Variants in AGBL1 observed in about 807,000 individuals in gnomAD.
AGBL1 encodes AGBL carboxypeptidase 1, also known as cytosolic carboxypeptidase 4.
A neutral mutation model predicts 118.9 loss-of-function variants in AGBL1; 130 were observed. The ratio of observed to expected loss-of-function variants is 1.09; its 90% CI spans 0.95 to 1.26. The LOEUF (loss-of-function observed/expected upper bound fraction) is 1.26, where lower values mean the gene tolerates loss of function less well. Ranked by LOEUF, AGBL1 falls within the 50% of genes most tolerant of loss-of-function variation. The pLI is 0.00. For synonymous variants in AGBL1, 555 were observed against 478.9 expected (o/e 1.16, Z -2.08); for missense variants, 1,584 against 1,298.1 (o/e 1.22, Z -3.38).
At chr15:86,348,884 A>G (rs1205639119) in intron 17 of AGBL1, among the ~76,000 whole-genome samples, 3 of 152,178 alleles carry the variant, frequency 2.0e-5, no homozygotes, top group Non-Finnish European at 2.9e-5. Context: ...GTCCATTCAG[A>G]AAACTATGAA....
At chr15:86,507,073 A>G (rs1436869240) in intron 18 of AGBL1, among the ~76,000 whole-genome samples, 1 of 152,132 alleles carries the variant, frequency 6.6e-6, no homozygotes, top group Non-Finnish European at 1.5e-5. Context: ...GATTTCTCAT[A>G]TTGCAAAAAT....
chr15:86,545,192 C>G (rs1357026465), intron 19 of AGBL1, among the ~76,000 whole-genome samples: 3 of 152,254 alleles, frequency 2.0e-5, no homozygotes, highest in African/African-American at 7.2e-5. Flanking sequence ...AGCCTGGATC[C>G]TAGAATGAAG....
At chr15:86,653,838 C>T (rs2085418255) in intron 21 of AGBL1, among the ~76,000 whole-genome samples, 1 of 152,066 alleles carries the variant, frequency 6.6e-6, no homozygotes, top group African/African-American at 2.4e-5. Flanking sequence ...TCTCATACTC[C>T]CAGAGACCAA....
intron 7 of AGBL1, among the ~76,000 whole-genome samples, chr15:86,249,204 G>A (rs989658826): frequency 6.6e-5 from 10 of 152,096 alleles, no homozygotes; most frequent in Non-Finnish European, 1.0e-4. Context: ...AGGCAGCCAT[G>A]TTGCACACAC....
intron 18 of AGBL1, among the ~76,000 whole-genome samples, chr15:86,499,842 C>T (rs1431478046): frequency 6.6e-6 from 1 of 151,878 alleles, no homozygotes; most frequent in Non-Finnish European, 1.5e-5. Flanking sequence ...TTCAAGTGAG[C>T]AGCAGAAACA....
chr15:86,878,526 T>C (rs2141524608), intron 22 of AGBL1, among the ~76,000 whole-genome samples: 1 of 152,310 alleles, frequency 6.6e-6, no homozygotes, highest in Non-Finnish European at 1.5e-5. Flanking sequence ...TCGGTACTTC[T>C]ATTTTCCTCC....
chr15:86,929,470 C>T lies in AGBL1; in HGVS notation c.3222-58517C>T, dbSNP rs1394278093. ...TCCCCTCCAATATCAACTCAGAGGC[C>T]TGAATCTACCTGTGAATTTTCACCA... On this transcript the variant is annotated intron_variant, in intron 23 of 24. Transcript: ENST00000441037. 3.3e-5 allele frequency among the ~76,000 whole-genome samples: 5 copies of T among 152,308 alleles called. No individual in the cohort carries two copies. In the South Asian group the frequency reaches 1.0e-3, roughly 32 times the overall value.
intron 17 of AGBL1, among the ~76,000 whole-genome samples, chr15:86,298,258 T>A (rs1385534710): frequency 1.0e-5 from 1 of 96,404 alleles, no homozygotes; most frequent in East Asian, 3.3e-4. Context: ...TATATATATA[T>A]ATATATATAT....
intron 22 of AGBL1, among the ~76,000 whole-genome samples, chr15:86,866,036 T>C (rs907483043): frequency 1.3e-5 from 2 of 152,132 alleles, no homozygotes; most frequent in Admixed American, 6.5e-5. Flanking sequence ...ATCTTTCCCT[T>C]CCCCCCAAGT....
At chr15:86,432,391 GA>G (rs1271503815) in intron 18 of AGBL1, among the ~76,000 whole-genome samples, 1 of 152,142 alleles carries the variant, frequency 6.6e-6, no homozygotes, top group Non-Finnish European at 1.5e-5. Context: ...TAGTTTTGAG[GA>G]GTCCTGGTCA....
chr15:86,726,562 G>GTAT (rs997457712), intron 22 of AGBL1, among the ~76,000 whole-genome samples: 1 of 152,036 alleles, frequency 6.6e-6, no homozygotes, highest in Non-Finnish European at 1.5e-5. Flanking sequence ...TAGGTACTAT[G>GTAT]TATTATTATT....
chr15:86,732,626 C>A (rs1319031003), intron 22 of AGBL1, among the ~76,000 whole-genome samples: 1 of 152,096 alleles, frequency 6.6e-6, no homozygotes, highest in Non-Finnish European at 1.5e-5. Flanking sequence ...AAGGAGTTCA[C>A]TTTTCCTCAT....
intron 5 of AGBL1, among the ~76,000 whole-genome samples, chr15:86,197,915 A>G (rs769383282): frequency 9.9e-5 from 15 of 151,478 alleles, no homozygotes; most frequent in Non-Finnish European, 1.8e-4. Context: ...AAAAGGAAAG[A>G]CTCCAAAGAT....
At chr15:86,109,458 A>T (rs537381831) in intron 1 of AGBL1, among the ~76,000 whole-genome samples, 1 of 152,156 alleles carries the variant, frequency 6.6e-6, no homozygotes, top group Non-Finnish European at 1.5e-5. Context: ...TTTCTGGCTG[A>T]ATTTTCTTTG....
intron 18 of AGBL1, among the ~76,000 whole-genome samples, chr15:86,492,303 A>G (rs2082791005): frequency 1.3e-5 from 2 of 152,152 alleles, no homozygotes; most frequent in African/African-American, 2.4e-5. Flanking sequence ...AGGACTATGA[A>G]CAGAGAACTG....
At chr15:86,469,472 C>T (rs72757815) in intron 18 of AGBL1, among the ~76,000 whole-genome samples, 3 of 152,224 alleles carry the variant, frequency 2.0e-5, no homozygotes, top group Admixed American at 6.5e-5. Flanking sequence ...TTTCTTTATC[C>T]ATTCATCTCT....
Position 86,554,622 on chromosome 15 carries a change from T to A in AGBL1, c.2994+85T>A, listed in dbSNP as rs567415226. 5.6e-5 allele frequency: 72 copies of A among 1,296,994 alleles called. No individual in the cohort carries two copies. In the East Asian group the frequency reaches 2.1e-3, roughly 37 times the overall value. The allele number at this position is 1,296,994 out of a possible 1,614,324, so 80.3% of individuals were successfully genotyped here. ...GACAGCTCGTACCTGCTTTCTCACCTAAAAGGGGAAGAAGGCTCCAAGTAG... is the reference window on the plus strand; with the variant it reads ...GACAGCTCGTACCTGCTTTCTCACCAAAAAGGGGAAGAAGGCTCCAAGTAG... On this transcript the variant is annotated intron_variant, in intron 21 of 22. Transcript: ENST00000614907.
chr15:86,151,247 A>G lies in AGBL1; in HGVS notation c.263-3183A>G, dbSNP rs531285647. ...GCGCACCAGCATGGCACGTGTATAC[A>G]TATGTAACTAAGCTGCACATTGTGC... is the stretch of plus-strand genomic sequence containing the variant. On this transcript the variant is annotated intron_variant, in intron 3 of 22. Coordinates refer to ENST00000614907, the MANE Select transcript of AGBL1 (RefSeq NM_001386094.1). Among the ~76,000 whole-genome samples, 17 of 151,736 alleles carry G rather than the reference A, an allele frequency of 1.1e-4. No individual in the cohort carries two copies. The South Asian group carries it at 3.5e-3, about 32-fold the overall frequency.
At chr15:87,030,110 C>T (rs941355571), downstream of AGBL1, among the ~76,000 whole-genome samples, 1 of 151,942 alleles carries the variant, frequency 6.6e-6, no homozygotes, top group Non-Finnish European at 1.5e-5. Flanking sequence ...GGAAAAACTG[C>T]TTATACTGAA....
Sources: gnomAD v4.1 joint callset for allele counts (sites outside exome capture counted in the v4.1 genomes callset) on GRCh38, gnomAD v4.1.1 for gene constraint, MANE v1.5 for transcripts, NCBI Gene and HGNC (gene_info 2026-07-23, HGNC 2026-07-21) for gene names.